Variants in TDRD7 observed in about 807,000 individuals in gnomAD.
TDRD7 encodes the protein tudor domain containing 7.
In TDRD7, 47 loss-of-function variants were observed where a neutral mutation model predicts 109.8. That is an observed-to-expected ratio of 0.43 (90% CI 0.34 to 0.55). The LOEUF is 0.55. Among genes scored for constraint, TDRD7 ranks in the 20% least tolerant of loss-of-function variants. The pLI is 0.03. For synonymous variants in TDRD7, 424 were observed against 457.3 expected, an observed-to-expected ratio of 0.93 and a Z score of 0.93; for missense variants, 1,164 against 1,319.2, an observed-to-expected ratio of 0.88 and a Z score of 1.82.
At chr9:97,419,496 C>T (rs544436802) in intron 1 of TDRD7, among the ~76,000 whole-genome samples, 31 of 152,350 alleles carry the variant, frequency 2.0e-4, no homozygotes, top group African/African-American at 7.2e-4. Context: ...ACCCAAAATT[C>T]ATACTTCAGC....
chr9:97,470,713 A>T (rs753654157), intron 9 of TDRD7, 44 bp downstream of exon 9: 10 of 1,411,414 alleles, frequency 7.1e-6, no homozygotes, highest in Non-Finnish European at 1.0e-5. Context: ...TCAATAGGCT[A>T]TTACCACTGT....
At chr9:97,459,751 G>T (rs548090254) in intron 6 of TDRD7, among the ~76,000 whole-genome samples, 1 of 152,302 alleles carries the variant, frequency 6.6e-6, no homozygotes, top group East Asian at 1.9e-4. Flanking sequence ...GAAGAGAGAT[G>T]GCACTCCTAT....
In TDRD7 at chr9:97,466,068, G is replaced by T. The variant is rs771937179; in HGVS notation, c.1629+1040G>T. Among the ~76,000 whole-genome samples the T allele has an allele frequency of 5.3e-5, 8 of 152,172 alleles. No homozygotes were observed. The East Asian group carries it at 1.5e-3, about 29-fold the overall frequency. ...AGGGAAATATGTTTCTATTTCTGCA[G>T]CCTCTGTTCCATAATACAAAACCTT... On this transcript the variant is annotated intron_variant, in intron 8 of 16. Coordinates refer to ENST00000355295, the MANE Select transcript of TDRD7 (RefSeq NM_014290.3).
intron 15 of TDRD7, among the ~76,000 whole-genome samples, chr9:97,485,795 G>A (rs1473831117): frequency 2.0e-5 from 3 of 152,184 alleles, no homozygotes; most frequent in African/African-American, 7.2e-5. Context: ...GAGGCTCAGA[G>A]CTTAAATGAA....
At chr9:97,433,831 A>G (rs1828149379) in intron 4 of TDRD7, among the ~76,000 whole-genome samples, 1 of 152,324 alleles carries the variant, frequency 6.6e-6, no homozygotes, top group South Asian at 2.1e-4. Context: ...ACCCAGTAGT[A>G]TGTAGTATGG....
At chr9:97,416,764 A>G (rs2118199233) in intron 1 of TDRD7, among the ~76,000 whole-genome samples, 1 of 152,164 alleles carries the variant, frequency 6.6e-6, no homozygotes, top group African/African-American at 2.4e-5. Flanking sequence ...GCTGTATTTT[A>G]GTGAGTAGGA....
At position 97,412,260 on chromosome 9, in the gene TDRD7, TCCGGGCGCGACAGGTGCCGGGCGA is replaced by T. The variant is rs1380510073; in HGVS notation, c.-7+24_-7+47del. 2 of 152,198 alleles carry T rather than the reference TCCGGGCGCGACAGGTGCCGGGCGA, an allele frequency of 1.3e-5. No homozygotes were observed. Among genetic ancestry groups the T allele is most frequent in the Admixed American group, 1.3e-4 (2 of 15,280 alleles). 9.4% of individuals were successfully genotyped at this position (152,198 alleles called of 1,614,324 possible). A position where few individuals can be genotyped will look rare whatever the true frequency, so the allele number is the denominator to read the frequency against. On this transcript the variant is annotated intron_variant, in intron 1 of 16. Coordinates refer to ENST00000355295, the MANE Select transcript of TDRD7 (RefSeq NM_014290.3). This position sits in a 1 kb window ranked among gnomAD's most constrained non-coding sequence, Gnocchi z 4.3. Reference sequence around the variant, plus strand: ...CGAGGTGAGTGCAGGTCCTGCGGGCTCCGGGCGCGACAGGTGCCGGGCGACGTCGGACGAGATTTCGGGCGGGCG... The same window carrying T: ...CGAGGTGAGTGCAGGTCCTGCGGGCTCGTCGGACGAGATTTCGGGCGGGCG...
intron 11 of TDRD7, among the ~76,000 whole-genome samples, chr9:97,473,881 C>G (rs1160916936): frequency 6.6e-6 from 1 of 152,136 alleles, no homozygotes; most frequent in Non-Finnish European, 1.5e-5. Context: ...GGACACTGTG[C>G]CTGGCATGTA....
intron 2 of TDRD7, among the ~76,000 whole-genome samples, chr9:97,430,078 G>A (rs750252619): frequency 1.3e-5 from 2 of 152,130 alleles, no homozygotes; most frequent in Non-Finnish European, 2.9e-5. Context: ...GTGACATAAA[G>A]CCTCATTGTT....
rs138512690 is a variant in TDRD7, at chr9:97,441,950, T to C, written c.855+75T>C. 811 of 1,210,024 alleles carry C rather than the reference T, an allele frequency of 6.7e-4. 7 individuals carry two copies. The East Asian group carries it at 0.016, about 24-fold the overall frequency. 75.0% of individuals were successfully genotyped at this position (1,210,024 alleles called of 1,614,324 possible). ...TTGAGATCTTGAGTTATTAGTCATATCACCTTTTATCCCCAGAAGACAAAG... is the reference window on the plus strand; with the variant it reads ...TTGAGATCTTGAGTTATTAGTCATACCACCTTTTATCCCCAGAAGACAAAG... On this transcript the variant is annotated intron_variant, in intron 6 of 16. Transcript: ENST00000355295.
At chr9:97,495,633 T>C in intron 16 of TDRD7, 30 bp from the exon 17 acceptor site, 1 of 1,598,386 alleles carries the variant, frequency 6.3e-7, no homozygotes, top group Non-Finnish European at 8.6e-7. Context: ...GACTCCTCAC[T>C]GCTCCCTCTT....
intron 6 of TDRD7, among the ~76,000 whole-genome samples, chr9:97,457,869 A>G (rs1316350777): frequency 6.6e-6 from 1 of 152,170 alleles, no homozygotes; most frequent in Non-Finnish European, 1.5e-5. Context: ...ATCCTCAGCA[A>G]ACTAACACAG....
intron 1 of TDRD7, among the ~76,000 whole-genome samples, chr9:97,418,864 T>C (rs144849473): frequency 2.4e-3 from 368 of 152,278 alleles, no homozygotes; most frequent in African/African-American, 8.5e-3. Context: ...CTAATGTAGC[T>C]GAGAAAAGTA....
At chr9:97,473,377 T>TA (rs1488877044) in intron 10 of TDRD7, 115 bp from the exon 11 acceptor site, 1 of 1,417,386 alleles carries the variant, frequency 7.1e-7, no homozygotes, top group Admixed American at 1.7e-5. Flanking sequence ...TACTCTAACT[T>TA]AAAGATTTTA....
Position 97,483,313 on chromosome 9 carries a change from G to A in TDRD7, c.2877G>A (p.Val959=). 1 of 1,614,120 alleles carries A rather than the reference G, an allele frequency of 6.2e-7. No individual in the cohort carries two copies. Among genetic ancestry groups the A allele is most frequent in the Non-Finnish European group, 8.5e-7 (1 of 1,180,012 alleles). ...YSVSEERHIA[V]EKDQVYAAKV... ...TGTCTGAAGAGCGCCACATAGCAGT[G>A]GAGAAAGACCAAGTGTATGCTGCAA... The change falls in exon 15 of 17, where the codon GTG becomes GTA. Residue 959 remains valine, a synonymous_variant. Coordinates refer to ENST00000355295, the MANE Select transcript of TDRD7 (RefSeq NM_014290.3).
intron 2 of TDRD7, among the ~76,000 whole-genome samples, chr9:97,430,156 G>A (rs1486086567): frequency 6.6e-6 from 1 of 152,140 alleles, no homozygotes; most frequent in African/African-American, 2.4e-5. Flanking sequence ...AGAGCATCTT[G>A]TCCCAGTAGT....
chr9:97,418,677 G>C (rs1180681736), intron 1 of TDRD7, among the ~76,000 whole-genome samples: 2 of 152,190 alleles, frequency 1.3e-5, no homozygotes, highest in African/African-American at 2.4e-5. Flanking sequence ...GGAGTGGAAG[G>C]CTTTCGCAGA....
chr9:97,439,812 AAT>A (rs1456995085), intron 5 of TDRD7, among the ~76,000 whole-genome samples: 1 of 152,230 alleles, frequency 6.6e-6, no homozygotes, highest in Non-Finnish European at 1.5e-5. Context: ...TGGGTAATAG[AAT>A]CCAAGTGGGC....
intron 1 of TDRD7, among the ~76,000 whole-genome samples, chr9:97,427,200 C>G (rs1828012699): frequency 1.3e-5 from 2 of 152,088 alleles, no homozygotes; most frequent in East Asian, 1.9e-4. Flanking sequence ...GAATGTATCT[C>G]CTAGTATGTA....
Sources: gnomAD v4.1 joint callset for allele counts (sites outside exome capture counted in the v4.1 genomes callset) on GRCh38, gnomAD v4.1.1 for gene constraint, Gnocchi (gnomAD v3.1) non-coding constraint, MANE v1.5 for transcripts, NCBI Gene and HGNC (gene_info 2026-07-23, HGNC 2026-07-21) for gene names.